The following TBC1D2B variants were observed in gnomAD, a reference collection of about 807,000 sequenced individuals.
TBC1D2B encodes the protein TBC1 domain family member 2B.
In TBC1D2B, 64 loss-of-function variants were observed where a neutral mutation model predicts 100.8. The ratio of observed to expected loss-of-function variants is 0.64; its 90% CI spans 0.52 to 0.78. The LOEUF is 0.78. TBC1D2B is among the 30% of genes least tolerant of loss of function. The pLI, the probability that TBC1D2B is intolerant of heterozygous loss-of-function variation, is 0.00. For missense variants in TBC1D2B, 1,052 were observed against 1,218.4 expected, an observed-to-expected ratio of 0.86 and a Z score of 2.03; for synonymous variants, 480 against 479.7, an observed-to-expected ratio of 1.00 and a Z score of -0.01.
chr15:78,024,550 A>C lies in TBC1D2B; in HGVS notation c.1087-11T>G. The C allele has an allele frequency of 6.2e-7, 1 of 1,601,612 alleles. No individual in the cohort carries two copies. The highest frequency in any genetic ancestry group is 8.5e-7 in the Non-Finnish European group (1 of 1,172,766). On this transcript the variant is annotated splice_polypyrimidine_tract_variant and intron_variant, in intron 5 of 12. Coordinates refer to ENST00000300584, the MANE Select transcript of TBC1D2B (RefSeq NM_144572.2). ...CAGTCGAACAAGCTCCTGGGAGCCA[A>C]AAGGAGAATGGAGTGAAGGGTGAAA...
At chr15:78,035,310 T>A (rs2072919458) in intron 3 of TBC1D2B, among the ~76,000 whole-genome samples, 1 of 152,244 alleles carries the variant, frequency 6.6e-6, no homozygotes, top group Non-Finnish European at 1.5e-5. Context: ...TAATAACTCG[T>A]TCGACATTCG....
chr15:78,046,700 G>A (rs2073202768), intron 2 of TBC1D2B, among the ~76,000 whole-genome samples: 1 of 152,018 alleles, frequency 6.6e-6, no homozygotes, highest in South Asian at 2.1e-4. Flanking sequence ...TTGAATGCCT[G>A]GGTTCAAGCA....
rs1355015582 is a variant in TBC1D2B, at chr15:77,995,009, TCTTC to T, written c.*3147_*3150del. 6.6e-6 allele frequency: 1 copy of T among 152,280 alleles called. No homozygotes were observed. The highest frequency in any genetic ancestry group is 6.5e-5 in the Admixed American group (1 of 15,292). 9.4% of individuals were successfully genotyped at this position (152,280 alleles called of 1,614,324 possible). On this transcript the variant is annotated 3_prime_UTR_variant, in exon 13 of 13. Coordinates refer to ENST00000300584, the MANE Select transcript of TBC1D2B (RefSeq NM_144572.2). ...ATATTATACAAATTAGTAGTTTATT[TCTTC>T]CTTTAGTATTACAGTTCCAAAACGT...
At chr15:78,018,000 T>C in intron 6 of TBC1D2B, 43 bp from the exon 7 acceptor site, 1 of 1,101,692 alleles carries the variant, frequency 9.1e-7, no homozygotes, top group Admixed American at 2.2e-5. Flanking sequence ...ATTGGTTGAA[T>C]ATTGACTAAT....
intron 1 of TBC1D2B, among the ~76,000 whole-genome samples, chr15:78,064,529 A>C (rs1284223068): frequency 6.6e-6 from 1 of 152,226 alleles, no homozygotes; most frequent in Admixed American, 6.5e-5. Context: ...TCTTAAACTC[A>C]AGGAAGATAT....
chr15:78,046,003 C>G (rs907857332), intron 2 of TBC1D2B, among the ~76,000 whole-genome samples: 1 of 152,138 alleles, frequency 6.6e-6, no homozygotes, highest in South Asian at 2.1e-4. Flanking sequence ...GCGGTCTCGG[C>G]TCACTGCAAC....
At chr15:78,064,254 G>A (rs1003485399) in intron 1 of TBC1D2B, among the ~76,000 whole-genome samples, 5 of 152,016 alleles carry the variant, frequency 3.3e-5, no homozygotes, top group Admixed American at 1.3e-4. Context: ...CCTCCAACAC[G>A]CTCTATGTGA....
chr15:78,065,162 C>T (rs769300724), intron 1 of TBC1D2B, among the ~76,000 whole-genome samples: 8 of 152,160 alleles, frequency 5.3e-5, no homozygotes, highest in Admixed American at 3.9e-4. Flanking sequence ...CACTCAAGCA[C>T]CCCTTTTAAA....
intron 10 of TBC1D2B, 53 bp downstream of exon 10, chr15:78,008,944 T>C: frequency 7.7e-7 from 1 of 1,302,604 alleles, no homozygotes; most frequent in South Asian, 1.3e-5. Flanking sequence ...TCAGGTCACA[T>C]TTCAGCTGCA....
In TBC1D2B at chr15:78,024,271, T is replaced by G; in HGVS notation, c.1355A>C (p.Glu452Ala). 1 of 1,614,032 alleles carries G rather than the reference T, an allele frequency of 6.2e-7. No individual in the cohort carries two copies. The highest frequency in any genetic ancestry group is 2.2e-5 in the East Asian group (1 of 44,880). ...MLMETIQAKD[E>A]VIIKLSEGEG... ...GCCCTCGCTGAGCTTGATGATGACCTCGTCCTTGGCTTGGATGGTCTCCAT... is the reference window on the plus strand; with the variant it reads ...GCCCTCGCTGAGCTTGATGATGACCGCGTCCTTGGCTTGGATGGTCTCCAT... Residue 452 changes from glutamate (E) to alanine (A), a missense_variant, in exon 6 of 13, where the codon GAG becomes GCG. Glu to Ala is a moderately radical substitution (Grantham distance 107). This residue lies in a region of TBC1D2B where 627 missense variants were observed against 646.1 expected (regional missense o/e 0.97). Transcript: ENST00000300584.
At chr15:78,021,748 T>G (rs1181935630) in intron 6 of TBC1D2B, among the ~76,000 whole-genome samples, 1 of 151,324 alleles carries the variant, frequency 6.6e-6, no homozygotes, top group Non-Finnish European at 1.5e-5. Flanking sequence ...ATTGCTAAAC[T>G]TGTTAAGTTG....
intron 12 of TBC1D2B, among the ~76,000 whole-genome samples, chr15:78,000,076 C>T (rs755160957): frequency 6.6e-6 from 1 of 152,220 alleles, no homozygotes; most frequent in Non-Finnish European, 1.5e-5. Context: ...GAGGCTCTAG[C>T]CCAGAGGCGG....
chr15:78,057,952 T>C (rs2073460321), intron 1 of TBC1D2B, among the ~76,000 whole-genome samples: 1 of 152,224 alleles, frequency 6.6e-6, no homozygotes, highest in African/African-American at 2.4e-5. Context: ...TAATTAAATG[T>C]ATAATCACAA....
chr15:78,023,603 G>A (rs749124173), intron 6 of TBC1D2B, among the ~76,000 whole-genome samples: 5 of 152,176 alleles, frequency 3.3e-5, no homozygotes, highest in African/African-American at 7.2e-5. Flanking sequence ...AGAAGGACAC[G>A]GGGAGGAAAG....
intron 3 of TBC1D2B, among the ~76,000 whole-genome samples, chr15:78,032,817 G>A (rs1015231353): frequency 6.6e-6 from 1 of 151,840 alleles, no homozygotes; most frequent in African/African-American, 2.4e-5. Context: ...AACCTAAAAC[G>A]AAACAGAAAT....
chr15:78,066,002 G>A (rs1471349764), intron 1 of TBC1D2B: 1 of 471,032 alleles, frequency 2.1e-6, no homozygotes, highest in East Asian at 7.0e-5. Flanking sequence ...CTGGTGAAAA[G>A]CTGAGGGATC....
intron 2 of TBC1D2B, among the ~76,000 whole-genome samples, chr15:78,051,935 T>C (rs1337350134): frequency 6.6e-6 from 1 of 152,222 alleles, no homozygotes; most frequent in Non-Finnish European, 1.5e-5. Flanking sequence ...GCCCAAAGTT[T>C]CATTCCTTGT....
intron 6 of TBC1D2B, among the ~76,000 whole-genome samples, chr15:78,023,457 G>A (rs2072567473): frequency 6.6e-6 from 1 of 152,070 alleles, no homozygotes; most frequent in South Asian, 2.1e-4. Flanking sequence ...CAGGCAAGAA[G>A]AGAAATGCAG....
intron 4 of TBC1D2B, among the ~76,000 whole-genome samples, chr15:78,029,589 G>C (rs777161744): frequency 6.6e-6 from 1 of 152,198 alleles, no homozygotes; most frequent in African/African-American, 2.4e-5. Context: ...AGCTGACAGT[G>C]GGTGCAGGGA....
Sources: gnomAD v4.1 joint callset for allele counts (sites outside exome capture counted in the v4.1 genomes callset) on GRCh38, gnomAD v4.1.1 for gene constraint, gnomAD v4.1.1 regional missense constraint, MANE v1.5 for transcripts, NCBI Gene and HGNC (gene_info 2026-07-23, HGNC 2026-07-21) for gene names.